Variants in NRXN3 observed in about 807,000 individuals in gnomAD.
NRXN3 encodes the protein neurexin 3.
Under a neutral mutation model 137.6 loss-of-function variants are expected in NRXN3, and 32 were observed. The observed-to-expected ratio is 0.23, with a 90% CI of 0.18 to 0.31. NRXN3 has a LOEUF of 0.31. Among genes scored for constraint, NRXN3 ranks in the 10% least tolerant of loss-of-function variants. The pLI is 1.00. For synonymous variants in NRXN3, 798 were observed against 784.5 expected (o/e 1.02, Z -0.29); for missense variants, 1,574 against 2,062.5 (o/e 0.76, Z 4.59).
intron 15 of NRXN3, among the ~76,000 whole-genome samples, chr14:79,380,366 G>C (rs2094436809): frequency 7.7e-6 from 1 of 129,756 alleles, no homozygotes; most frequent in East Asian, 2.2e-4. Flanking sequence ...CCCCACAACA[G>C]TTCCCAGAGT....
At chr14:79,737,896 A>G (rs2098947727) in intron 19 of NRXN3, among the ~76,000 whole-genome samples, 1 of 152,146 alleles carries the variant, frequency 6.6e-6, no homozygotes. Flanking sequence ...CTAACAATCC[A>G]AAATCAAGAC....
At chr14:78,397,478 G>C (rs2091586784) in intron 4 of NRXN3, among the ~76,000 whole-genome samples, 2 of 150,418 alleles carry the variant, frequency 1.3e-5, no homozygotes, top group African/African-American at 5.0e-5. Flanking sequence ...GGTTATTGTA[G>C]TTTATCAGTT....
intron 19 of NRXN3, among the ~76,000 whole-genome samples, chr14:79,800,166 G>A (rs537122443): frequency 6.6e-6 from 1 of 152,294 alleles, no homozygotes; most frequent in Non-Finnish European, 1.5e-5. Flanking sequence ...AGTTATGAGA[G>A]CTTTAGACAA....
intron 4 of NRXN3, among the ~76,000 whole-genome samples, chr14:78,477,701 A>C (rs1039061297): frequency 4.6e-5 from 7 of 152,212 alleles, no homozygotes; most frequent in Non-Finnish European, 7.3e-5. Flanking sequence ...TTATGATAAA[A>C]ATGTTTGAAT....
chr14:78,577,902 A>G (rs550848539), intron 4 of NRXN3, among the ~76,000 whole-genome samples: 2 of 152,266 alleles, frequency 1.3e-5, no homozygotes, highest in South Asian at 4.1e-4. Flanking sequence ...TCTGAGGCCT[A>G]GCTGTCTTTT....
rs1555565719 is a variant in NRXN3 at position 79,617,930 on chromosome 14, A to AAG, written c.3445-45847_3445-45846insGA. On this transcript the variant is annotated intron_variant, in intron 16 of 20. Transcript: ENST00000335750. ...GCTGAATAGCAGCAAAAAAAAAAAAAAACATGCTTATGAAGAGCTGCCTAG... is the reference window on the plus strand; with the variant it reads ...GCTGAATAGCAGCAAAAAAAAAAAAAAGAACATGCTTATGAAGAGCTGCCTAG... Among the ~76,000 whole-genome samples, 386 of 148,826 alleles carry AAG rather than the reference A, an allele frequency of 2.6e-3. 11 individuals carry two copies. The highest frequency in any genetic ancestry group is 9.6e-3 in the African/African-American group (371 of 38,646).
chr14:78,869,603 T>TA (rs1190976422), intron 10 of NRXN3, among the ~76,000 whole-genome samples: 2 of 152,218 alleles, frequency 1.3e-5, no homozygotes, highest in African/African-American at 4.8e-5. Context: ...CATGCCTCCA[T>TA]ACCTTTTCCT....
chr14:78,435,325 A>G (rs2094025441), intron 4 of NRXN3, among the ~76,000 whole-genome samples: 1 of 152,142 alleles, frequency 6.6e-6, no homozygotes, highest in South Asian at 2.1e-4. Context: ...CCCTGTGAGA[A>G]GGGTGCATGT....
chr14:78,719,468 A>G (rs527260415), intron 8 of NRXN3, among the ~76,000 whole-genome samples: 1 of 152,284 alleles, frequency 6.6e-6, no homozygotes, highest in East Asian at 1.9e-4. Context: ...AGGGTGAGAT[A>G]CCAATCTTCG....
intron 8 of NRXN3, among the ~76,000 whole-genome samples, chr14:78,781,927 C>T (rs1029065207): frequency 3.3e-5 from 5 of 152,190 alleles, no homozygotes; most frequent in Non-Finnish European, 7.3e-5. Context: ...ATGGCTGCTG[C>T]ATCTTCCCAA....
At position 79,863,916 on chromosome 14, in the gene NRXN3, A is replaced by G. The variant is rs1459553657; in HGVS notation, c.*1952A>G. 6.6e-6 allele frequency: 1 copy of G among 152,598 alleles called. No homozygotes were observed. Among genetic ancestry groups the G allele is most frequent in the Non-Finnish European group, 1.5e-5 (1 of 68,034 alleles). The allele number at this position is 152,598 out of a possible 1,614,324, so 9.5% of individuals were successfully genotyped here. A position where few individuals can be genotyped will look rare whatever the true frequency, so the allele number is the denominator to read the frequency against. ...AAAATATCTTAACGACATGGGGCAAAAAGTGCAATCTAAATGGTAGCCTTT... is the reference window on the plus strand; with the variant it reads ...AAAATATCTTAACGACATGGGGCAAGAAGTGCAATCTAAATGGTAGCCTTT... On this transcript the variant is annotated 3_prime_UTR_variant, in exon 21 of 21. Transcript: ENST00000335750.
In NRXN3 at chr14:78,482,140, A is replaced by G. The variant is rs886501668; in HGVS notation, c.758-162980A>G. Reference sequence around the variant, plus strand: ...CAAGTGCAAAACTTTGGATGTATTTATATCAGCTGACTACTATATCTTTTC... The same window carrying G: ...CAAGTGCAAAACTTTGGATGTATTTGTATCAGCTGACTACTATATCTTTTC... On this transcript the variant is annotated intron_variant, in intron 4 of 20. Coordinates refer to ENST00000335750, the MANE Select transcript of NRXN3 (RefSeq NM_001330195.2). 3.7e-4 allele frequency among the ~76,000 whole-genome samples: 56 copies of G among 152,224 alleles called. 1 individual carries two copies. Among genetic ancestry groups the G allele is most frequent in the Non-Finnish European group, 1.5e-5 (1 of 68,038 alleles).
intron 4 of NRXN3, among the ~76,000 whole-genome samples, chr14:78,418,277 G>A (rs1220350926): frequency 6.6e-6 from 1 of 152,170 alleles, no homozygotes; most frequent in Non-Finnish European, 1.5e-5. Flanking sequence ...GCTTTTGTGT[G>A]TTAGAAATAA....
chr14:78,416,809 G>T (rs2093165163), intron 4 of NRXN3, among the ~76,000 whole-genome samples: 1 of 152,196 alleles, frequency 6.6e-6, no homozygotes, highest in African/African-American at 2.4e-5. Context: ...AGTCTTTGTA[G>T]ATTAGCTCAA....
chr14:79,383,993 A>T (rs543597378), intron 15 of NRXN3, among the ~76,000 whole-genome samples: 7 of 152,242 alleles, frequency 4.6e-5, no homozygotes, highest in African/African-American at 1.7e-4. Context: ...ATTATGCTGG[A>T]AGTCCTCTTA....
intron 2 of NRXN3, among the ~76,000 whole-genome samples, chr14:78,254,853 C>A: frequency 6.6e-6 from 1 of 151,708 alleles, no homozygotes; most frequent in Non-Finnish European, 1.5e-5. Context: ...TCTTTCTTTT[C>A]TTTTTTTTAA....
At chr14:79,759,358 C>T (rs2139361337) in intron 19 of NRXN3, among the ~76,000 whole-genome samples, 1 of 151,608 alleles carries the variant, frequency 6.6e-6, no homozygotes, top group Non-Finnish European at 1.5e-5. Context: ...AGTATTCTTT[C>T]TCTGCTGTTT....
chr14:79,477,317 A>G (rs2096568762), intron 16 of NRXN3, among the ~76,000 whole-genome samples: 1 of 152,126 alleles, frequency 6.6e-6, no homozygotes, highest in South Asian at 2.1e-4. Context: ...CACAAAGAAC[A>G]TATGATTTAG....
intron 9 of NRXN3, among the ~76,000 whole-genome samples, chr14:78,809,639 T>C (rs191412378): frequency 2.9e-4 from 44 of 152,338 alleles, no homozygotes; most frequent in African/African-American, 1.0e-3. Flanking sequence ...GACCAGGTGG[T>C]GTTAACCCTT....
Sources: allele counts gnomAD v4.1 joint callset (sites outside exome capture counted in the v4.1 genomes callset), GRCh38; gene constraint gnomAD v4.1.1; transcripts MANE v1.5; gene names NCBI Gene and HGNC (gene_info 2026-07-23, HGNC 2026-07-21).